Variants in LCORL observed in about 807,000 individuals in gnomAD.
LCORL encodes the protein ligand dependent nuclear receptor corepressor like.
Under a neutral mutation model 141.8 loss-of-function variants are expected in LCORL, and 41 were observed. The observed-to-expected ratio is 0.29, with a 90% CI of 0.23 to 0.38. The LOEUF (loss-of-function observed/expected upper bound fraction) is 0.38. Among genes scored for constraint, LCORL ranks in the 10% least tolerant of loss-of-function variants. The pLI is 1.00. For missense variants in LCORL, 1,759 were observed against 2,035.0 expected, an observed-to-expected ratio of 0.86 and a Z score of 2.61; for synonymous variants, 618 against 694.1, an observed-to-expected ratio of 0.89 and a Z score of 1.72.
At chr4:17,882,161 C>G in intron 6 of LCORL, 1 of 983,392 alleles carries the variant, frequency 1.0e-6, no homozygotes, top group Non-Finnish European at 1.2e-6. Flanking sequence ...TAGTATTACA[C>G]GTATATATGA....
At chr4:17,945,735 T>G (rs976006536) in intron 4 of LCORL, among the ~76,000 whole-genome samples, 1 of 151,942 alleles carries the variant, frequency 6.6e-6, no homozygotes, top group Non-Finnish European at 1.5e-5. Flanking sequence ...TTAAGAATTC[T>G]GGATTAGAGT....
intron 1 of LCORL, among the ~76,000 whole-genome samples, chr4:18,017,312 T>C (rs1400555642): frequency 6.6e-6 from 1 of 152,164 alleles, no homozygotes; most frequent in Non-Finnish European, 1.5e-5. Context: ...CTAAAACTTG[T>C]GGGTGAAACT....
chr4:17,999,010 A>ATATG (rs1491152214), intron 1 of LCORL, among the ~76,000 whole-genome samples: 1 of 21,884 alleles, frequency 4.6e-5, no homozygotes, highest in East Asian at 9.5e-4. Flanking sequence ...ATATACACAC[A>ATATG]TATATATATA....
chr4:17,872,018 TTAA>T (rs986156792), intron 7 of LCORL, among the ~76,000 whole-genome samples: 28 of 152,054 alleles, frequency 1.8e-4, no homozygotes, highest in African/African-American at 6.8e-4. Context: ...TTTTACTATT[TTAA>T]TATAAGACCT....
intron 1 of LCORL, among the ~76,000 whole-genome samples, chr4:17,977,675 T>C (rs1197348601): frequency 1.3e-5 from 2 of 152,222 alleles, no homozygotes. Context: ...AATTCCTTTG[T>C]CTAATAATAT....
At chr4:17,975,197 A>G (rs1560427975) in intron 1 of LCORL, among the ~76,000 whole-genome samples, 1 of 152,138 alleles carries the variant, frequency 6.6e-6, no homozygotes, top group Non-Finnish European at 1.5e-5. Flanking sequence ...CTTTTCCAAT[A>G]AAAGCATTTA....
At chr4:17,905,458 C>T (rs1161887579) in intron 5 of LCORL, among the ~76,000 whole-genome samples, 1 of 151,950 alleles carries the variant, frequency 6.6e-6, no homozygotes, top group Non-Finnish European at 1.5e-5. Flanking sequence ...AGGATTTTTG[C>T]ATCTAGGTTT....
chr4:17,868,793 G>C (rs753522501), intron 7 of LCORL, among the ~76,000 whole-genome samples: 6 of 152,066 alleles, frequency 3.9e-5, no homozygotes, highest in Non-Finnish European at 7.4e-5. Context: ...ATCCCCACGT[G>C]GTGAACTTGA....
At chr4:17,906,198 A>G (rs781655791) in intron 5 of LCORL, among the ~76,000 whole-genome samples, 2 of 152,134 alleles carry the variant, frequency 1.3e-5, no homozygotes, top group Non-Finnish European at 2.9e-5. Flanking sequence ...TATGTGCTTC[A>G]TTTTTCCTTG....
chr4:17,872,911 T>A (rs912030543), intron 7 of LCORL, among the ~76,000 whole-genome samples: 6 of 152,150 alleles, frequency 3.9e-5, no homozygotes, highest in African/African-American at 1.4e-4. Context: ...CTAGGATATG[T>A]TACAATCTAT....
chr4:17,869,263 T>G (rs1254247622), intron 7 of LCORL, among the ~76,000 whole-genome samples: 1 of 152,134 alleles, frequency 6.6e-6, no homozygotes, highest in African/African-American at 2.4e-5. Context: ...AACCCCAGCT[T>G]AATCTAGCTA....
intron 4 of LCORL, among the ~76,000 whole-genome samples, chr4:17,948,389 A>G (rs1739221472): frequency 1.3e-5 from 2 of 152,072 alleles, no homozygotes. Context: ...ACACGTGCTA[A>G]GTACTAGAAA....
intron 5 of LCORL, among the ~76,000 whole-genome samples, chr4:17,890,961 A>AC (rs1224042187): frequency 6.6e-6 from 1 of 152,058 alleles, no homozygotes; most frequent in East Asian, 1.9e-4. Flanking sequence ...ATTGTTTTCC[A>AC]CCCCTCCAAG....
Position 17,851,433 on chromosome 4 carries a change from C to G in LCORL, c.5603-5532G>C, listed in dbSNP as rs559295290. On this transcript the variant is annotated intron_variant, in intron 7 of 7. Transcript: ENST00000635767. ...ATATGTAGGTATCTGTGTTTCAACT[C>G]TCTCCTTGTACACAATTCTACCATT... Among the ~76,000 whole-genome samples the G allele has an allele frequency of 5.9e-5, 9 of 152,266 alleles. No homozygotes were observed. The South Asian group carries it at 1.9e-3, about 32-fold the overall frequency.
In LCORL at chr4:18,021,685, G is replaced by GAGC. The variant is rs773108013; in HGVS notation, c.64_66dup (p.Ala22dup). The GAGC allele has an allele frequency of 1.7e-4, 258 of 1,534,956 alleles. 1 individual carries two copies. In the South Asian group the frequency reaches 1.9e-3, roughly 11 times the overall value. On this transcript the variant is annotated inframe_insertion, in exon 1 of 8. Coordinates refer to ENST00000635767, the Ensembl canonical transcript of LCORL. This position sits in a 1 kb window ranked among gnomAD's most constrained non-coding sequence, Gnocchi z 5.5. ...GCCGCGCACCGAGGGCTCCGGCACT[G>GAGC]AGCGGCGGCGGCGGCGGCGGCAGCA...
intron 1 of LCORL, among the ~76,000 whole-genome samples, chr4:17,988,086 T>C (rs541526854): frequency 6.6e-6 from 1 of 152,182 alleles, no homozygotes; most frequent in Non-Finnish European, 1.5e-5. Context: ...TGATAGTCTC[T>C]GATATTTGAT....
At chr4:17,992,440 G>C (rs1050814589) in intron 1 of LCORL, among the ~76,000 whole-genome samples, 9 of 152,126 alleles carry the variant, frequency 5.9e-5, no homozygotes, top group Non-Finnish European at 1.2e-4. Context: ...ATCACTGCTT[G>C]TCATAATGCT....
At chr4:17,999,790 C>G (rs1193341361) in intron 1 of LCORL, among the ~76,000 whole-genome samples, 1 of 152,132 alleles carries the variant, frequency 6.6e-6, no homozygotes, top group African/African-American at 2.4e-5. Flanking sequence ...AATCTCAGTT[C>G]ATTTTTGATA....
intron 5 of LCORL, among the ~76,000 whole-genome samples, chr4:17,894,976 T>G (rs1448968423): frequency 6.6e-6 from 1 of 151,160 alleles, no homozygotes; most frequent in Non-Finnish European, 1.5e-5. Context: ...TGTTGTAAAG[T>G]TCTCAAAATA....
Sources: allele counts gnomAD v4.1 joint callset (sites outside exome capture counted in the v4.1 genomes callset), GRCh38; gene constraint gnomAD v4.1.1; non-coding constraint Gnocchi (gnomAD v3.1); transcripts MANE v1.5; gene names NCBI Gene and HGNC (gene_info 2026-07-23, HGNC 2026-07-21).